The following FNBP1L variants were observed in gnomAD, a reference collection of about 807,000 sequenced individuals.
FNBP1L encodes formin-binding protein 1-like.
Under a neutral mutation model 91.2 loss-of-function variants are expected in FNBP1L, and 36 were observed. The observed-to-expected ratio is 0.39, with a 90% CI of 0.30 to 0.52. FNBP1L has a LOEUF of 0.52. Ranked by LOEUF, FNBP1L falls within the 20% of genes least tolerant of loss-of-function variation. The pLI is 0.66. For synonymous variants in FNBP1L, 242 were observed against 237.0 expected (o/e 1.02, Z -0.19); for missense variants, 571 against 732.1 (o/e 0.78, Z 2.54).
intron 1 of FNBP1L, 57 bp downstream of exon 1, chr1:93,448,362 G>C (rs1668341065): frequency 7.5e-6 from 11 of 1,461,476 alleles, no homozygotes; most frequent in African/African-American, 1.5e-5. Flanking sequence ...AGCGCGGGTT[G>C]GGCGGGCGCC....
In FNBP1L at chr1:93,554,534, A is replaced by AT. The variant is rs1365111618; in HGVS notation, c.*2124dup. ...TGTGAATTGTCCCAAAAAATCTTTA[A>AT]TTTTTTGGTAATTTTTACTCTTTTT... On this transcript the variant is annotated 3_prime_UTR_variant, in exon 17 of 17. Transcript: ENST00000271234. 1 of 152,600 alleles carries AT rather than the reference A, an allele frequency of 6.6e-6. No individual in the cohort carries two copies. The highest frequency in any genetic ancestry group is 2.4e-5 in the African/African-American group (1 of 41,448). 9.5% of individuals were successfully genotyped at this position (152,600 alleles called of 1,614,324 possible). A position where few individuals can be genotyped will look rare whatever the true frequency, so the allele number is the denominator to read the frequency against.
intron 1 of FNBP1L, among the ~76,000 whole-genome samples, chr1:93,494,430 A>G (rs1670198100): frequency 6.6e-6 from 1 of 152,134 alleles, no homozygotes; most frequent in African/African-American, 2.4e-5. Flanking sequence ...ATCATTAATT[A>G]TTGTTGATTA....
intron 2 of FNBP1L, among the ~76,000 whole-genome samples, chr1:93,505,612 G>A (rs1466650511): frequency 6.6e-6 from 1 of 152,216 alleles, no homozygotes; most frequent in Non-Finnish European, 1.5e-5. Flanking sequence ...AATTGTGGGA[G>A]CTAAGAGCAT....
intron 1 of FNBP1L, among the ~76,000 whole-genome samples, chr1:93,450,091 A>C (rs1324771168): frequency 6.6e-6 from 1 of 152,196 alleles, no homozygotes; most frequent in East Asian, 1.9e-4. Flanking sequence ...ATTTTTAAAA[A>C]ATTCACTTTG....
chr1:93,521,445 A>G (rs561897129), intron 2 of FNBP1L, among the ~76,000 whole-genome samples: 1 of 152,208 alleles, frequency 6.6e-6, no homozygotes, highest in East Asian at 1.9e-4. Flanking sequence ...TTTTGCCCTG[A>G]CTCAGTTTCA....
chr1:93,532,785 C>A, intron 7 of FNBP1L, 137 bp from the exon 8 acceptor site: 1 of 527,598 alleles, frequency 1.9e-6, no homozygotes, highest in Non-Finnish European at 3.1e-6. Context: ...GTCAATAGCA[C>A]TTGTTAAAAG....
At chr1:93,540,406 T>C (rs79376545) in intron 10 of FNBP1L, among the ~76,000 whole-genome samples, 2,717 of 152,264 alleles carry the variant, frequency 0.018, 75 homozygotes, top group East Asian at 0.13. Flanking sequence ...ATTCAACCTA[T>C]ATACTTGTAT....
intron 5 of FNBP1L, among the ~76,000 whole-genome samples, chr1:93,529,206 T>TA (rs994987107): frequency 2.0e-5 from 3 of 152,020 alleles, no homozygotes; most frequent in Non-Finnish European, 2.9e-5. Context: ...ATATTTTTTA[T>TA]AAAAAAATTA....
chr1:93,513,447 C>A (rs1377491424), intron 2 of FNBP1L, among the ~76,000 whole-genome samples: 2 of 152,000 alleles, frequency 1.3e-5, no homozygotes, highest in Admixed American at 6.6e-5. Context: ...GATACCAAAG[C>A]CGGGCAGAGA....
At chr1:93,450,619 A>G (rs1193619744) in intron 1 of FNBP1L, among the ~76,000 whole-genome samples, 3 of 152,238 alleles carry the variant, frequency 2.0e-5, no homozygotes, top group African/African-American at 4.8e-5. Flanking sequence ...AATGTAATAC[A>G]AACAACCTGT....
At chr1:93,514,927 TTAAAA>T (rs1211805144) in intron 2 of FNBP1L, among the ~76,000 whole-genome samples, 3 of 152,082 alleles carry the variant, frequency 2.0e-5, no homozygotes, top group Admixed American at 6.5e-5. Flanking sequence ...TGGGATCGAA[TTAAAA>T]TAAAGAGCTT....
intron 9 of FNBP1L, among the ~76,000 whole-genome samples, chr1:93,535,509 A>G (rs373717969): frequency 2.0e-5 from 3 of 152,246 alleles, no homozygotes; most frequent in East Asian, 1.9e-4. Flanking sequence ...TGTCTTTCTT[A>G]TCAATTAAGT....
intron 12 of FNBP1L, among the ~76,000 whole-genome samples, chr1:93,546,568 T>G (rs928928438): frequency 6.6e-6 from 1 of 152,098 alleles, no homozygotes; most frequent in Admixed American, 6.6e-5. Context: ...TGTGTGTATA[T>G]GTACATATAA....
chr1:93,552,610 C>T lies in FNBP1L; in HGVS notation c.*194C>T, dbSNP rs565119415. On this transcript the variant is annotated 3_prime_UTR_variant, in exon 17 of 17. Transcript: ENST00000271234. ...GTTTTTAAAAATCATAATACCAACC[C>T]TTAAGTTCCTAGTTCACAGTTATTC... 6 of 476,942 alleles carry T rather than the reference C, an allele frequency of 1.3e-5. No homozygotes were observed. The East Asian group carries it at 1.7e-4, about 13-fold the overall frequency. 29.5% of individuals were successfully genotyped at this position (476,942 alleles called of 1,614,324 possible).
intron 3 of FNBP1L, among the ~76,000 whole-genome samples, 159 bp downstream of exon 3, chr1:93,522,294 A>G (rs1671356396): frequency 6.6e-6 from 1 of 152,168 alleles, no homozygotes; most frequent in Non-Finnish European, 1.5e-5. Context: ...TTTATCTTTT[A>G]TGAGGATAAA....
At chr1:93,451,523 C>G (rs1314403546) in intron 1 of FNBP1L, among the ~76,000 whole-genome samples, 1 of 152,046 alleles carries the variant, frequency 6.6e-6, no homozygotes, top group East Asian at 1.9e-4. Context: ...AAGATGGATT[C>G]AAATATCTGA....
chr1:93,491,520 G>C (rs1670089972), intron 1 of FNBP1L, among the ~76,000 whole-genome samples: 2 of 152,030 alleles, frequency 1.3e-5, no homozygotes, highest in African/African-American at 4.8e-5. Context: ...CTCCCCGGTA[G>C]CTAGGACTAC....
chr1:93,517,324 C>A (rs1671161031), intron 2 of FNBP1L, among the ~76,000 whole-genome samples: 1 of 151,712 alleles, frequency 6.6e-6, no homozygotes, highest in African/African-American at 2.4e-5. Context: ...TAAGTGTCTT[C>A]TTTTTTTTCT....
At position 93,554,400 on chromosome 1, in the gene FNBP1L, C is replaced by T. The variant is rs548676910; in HGVS notation, c.*1984C>T. 25 of 152,652 alleles carry T rather than the reference C, an allele frequency of 1.6e-4. No individual in the cohort carries two copies. Among genetic ancestry groups the T allele is most frequent in the Admixed American group, 1.6e-3 (24 of 15,294 alleles). The allele number at this position is 152,652 out of a possible 1,614,324, so 9.5% of individuals were successfully genotyped here. On this transcript the variant is annotated 3_prime_UTR_variant, in exon 17 of 17. Transcript: ENST00000271234. The stretch of plus-strand genomic sequence containing the variant: ...TTTTTCTAAAAGCAGGATTTGCTTC[C>T]GTAGGAGGCAAGTTCCTTGATGTGG...
Sources: allele counts gnomAD v4.1 joint callset (sites outside exome capture counted in the v4.1 genomes callset), GRCh38; gene constraint gnomAD v4.1.1; transcripts MANE v1.5; gene names NCBI Gene and HGNC (gene_info 2026-07-23, HGNC 2026-07-21).